Variants in NEGR1 observed in about 807,000 individuals in gnomAD.
NEGR1 encodes IgLON family member 4.
A neutral mutation model predicts 40.9 loss-of-function variants in NEGR1; 10 were observed. That is an observed-to-expected ratio of 0.24 (90% CI 0.15 to 0.42). The LOEUF is 0.42. Ranked by LOEUF, NEGR1 falls within the 10% of genes least tolerant of loss-of-function variation. NEGR1 has a pLI of 1.00. For missense variants in NEGR1, 352 were observed against 438.9 expected (o/e 0.80, Z 1.77); for synonymous variants, 185 against 166.8 (o/e 1.11, Z -0.84).
At chr1:72,244,934 T>A (rs895309568) in intron 1 of NEGR1, among the ~76,000 whole-genome samples, 2 of 151,910 alleles carry the variant, frequency 1.3e-5, no homozygotes, top group African/African-American at 4.8e-5. Flanking sequence ...CTGTATAATG[T>A]TTGGGGCCAT....
At chr1:71,746,632 T>A (rs1339055644) in intron 3 of NEGR1, among the ~76,000 whole-genome samples, 1 of 152,022 alleles carries the variant, frequency 6.6e-6, no homozygotes, top group Non-Finnish European at 1.5e-5. Context: ...TTTTCCTCAA[T>A]GCATCTTCTT....
chr1:71,735,985 T>C (rs1655029653), intron 3 of NEGR1, among the ~76,000 whole-genome samples: 1 of 152,098 alleles, frequency 6.6e-6, no homozygotes, highest in South Asian at 2.1e-4. Context: ...AATTAATGTT[T>C]AGACAAAGAG....
At chr1:72,046,909 T>G (rs1331295609) in intron 1 of NEGR1, among the ~76,000 whole-genome samples, 2 of 151,628 alleles carry the variant, frequency 1.3e-5, no homozygotes, top group Non-Finnish European at 3.0e-5. Flanking sequence ...CATATTAGAA[T>G]GCTATTTCAC....
At chr1:71,715,250 G>T (rs1159790209) in intron 3 of NEGR1, among the ~76,000 whole-genome samples, 1 of 152,172 alleles carries the variant, frequency 6.6e-6, no homozygotes, top group Non-Finnish European at 1.5e-5. Flanking sequence ...GCAAGGCCCT[G>T]TGCCCAACCC....
At chr1:71,667,577 G>T (rs1207456276) in intron 4 of NEGR1, among the ~76,000 whole-genome samples, 1 of 152,170 alleles carries the variant, frequency 6.6e-6, no homozygotes, top group Non-Finnish European at 1.5e-5. Flanking sequence ...GAGTTTCTGG[G>T]AAGGTCTTAA....
At chr1:71,708,286 C>A in intron 3 of NEGR1, among the ~76,000 whole-genome samples, 1 of 150,960 alleles carries the variant, frequency 6.6e-6, no homozygotes, top group African/African-American at 2.4e-5. Context: ...CTCAGAATTC[C>A]ATCAGATAAA....
intron 3 of NEGR1, among the ~76,000 whole-genome samples, chr1:71,728,767 G>A (rs1025885894): frequency 1.3e-5 from 2 of 152,102 alleles, no homozygotes; most frequent in African/African-American, 2.4e-5. Flanking sequence ...GCAGCACAGA[G>A]TTATACAAGG....
chr1:71,627,413 G>A (rs1241942049), intron 4 of NEGR1, among the ~76,000 whole-genome samples: 1 of 151,982 alleles, frequency 6.6e-6, no homozygotes, highest in Non-Finnish European at 1.5e-5. Flanking sequence ...AAAAATTCAA[G>A]TAGCATTTGT....
chr1:71,947,079 T>A (rs1646027742), intron 1 of NEGR1, among the ~76,000 whole-genome samples: 1 of 137,134 alleles, frequency 7.3e-6, no homozygotes, highest in Non-Finnish European at 1.5e-5. Context: ...CAGAGCCAGA[T>A]CCTGTCTCAT....
intron 1 of NEGR1, among the ~76,000 whole-genome samples, chr1:72,276,805 A>G (rs1002339856): frequency 6.6e-6 from 1 of 152,152 alleles, no homozygotes; most frequent in African/African-American, 2.4e-5. Context: ...AAGGTTCTAC[A>G]AACAACACTT....
chr1:72,084,752 A>T (rs893986686), intron 1 of NEGR1, among the ~76,000 whole-genome samples: 1 of 152,234 alleles, frequency 6.6e-6, no homozygotes, highest in Non-Finnish European at 1.5e-5. Flanking sequence ...ATTAGTGACC[A>T]GGAAATAACA....
chr1:71,905,175 C>A (rs746638158), intron 2 of NEGR1, among the ~76,000 whole-genome samples: 2 of 152,108 alleles, frequency 1.3e-5, no homozygotes, highest in Non-Finnish European at 1.5e-5. Flanking sequence ...TAATAATATT[C>A]TTTGATCAAG....
chr1:72,004,770 C>T (rs926881821), intron 1 of NEGR1, among the ~76,000 whole-genome samples: 1 of 152,080 alleles, frequency 6.6e-6, no homozygotes, highest in Non-Finnish European at 1.5e-5. Context: ...AATGCTTTGA[C>T]TTAGAATATG....
chr1:71,513,917 G>GC (rs1647097018), intron 6 of NEGR1, among the ~76,000 whole-genome samples: 1 of 145,944 alleles, frequency 6.9e-6, no homozygotes, highest in African/African-American at 2.6e-5. Flanking sequence ...CCTGGGAAGC[G>GC]CAAGGGGTCA....
chr1:72,072,740 A>G (rs1177730052), intron 1 of NEGR1, among the ~76,000 whole-genome samples: 1 of 119,960 alleles, frequency 8.3e-6, no homozygotes, highest in East Asian at 2.0e-4. Flanking sequence ...GATTCTCAGC[A>G]CTCCCTGTCC....
At chr1:71,631,218 T>G (rs1650959218) in intron 4 of NEGR1, among the ~76,000 whole-genome samples, 1 of 151,752 alleles carries the variant, frequency 6.6e-6, no homozygotes, top group African/African-American at 2.4e-5. Flanking sequence ...CTATCCAAGC[T>G]CATTTCAAAA....
chr1:71,820,913 A>G (rs1370069176), intron 2 of NEGR1, among the ~76,000 whole-genome samples: 2 of 152,040 alleles, frequency 1.3e-5, no homozygotes, highest in African/African-American at 4.8e-5. Context: ...TGGAAAAACA[A>G]GATGGATTCT....
chr1:72,073,210 T>A (rs1403271026), intron 1 of NEGR1, among the ~76,000 whole-genome samples: 1 of 152,060 alleles, frequency 6.6e-6, no homozygotes, highest in Non-Finnish European at 1.5e-5. Context: ...ACCAGGCCTT[T>A]ATGTGCCTTC....
At chr1:71,673,987 T>C (rs1178795353) in intron 4 of NEGR1, among the ~76,000 whole-genome samples, 2 of 152,160 alleles carry the variant, frequency 1.3e-5, no homozygotes, top group Non-Finnish European at 2.9e-5. Context: ...ATTAGTTTTA[T>C]ATTAATATAA....
Sources: gnomAD v4.1 joint callset for allele counts (sites outside exome capture counted in the v4.1 genomes callset) on GRCh38, gnomAD v4.1.1 for gene constraint, MANE v1.5 for transcripts, NCBI Gene and HGNC (gene_info 2026-07-23, HGNC 2026-07-21) for gene names.